The following DNAH12 variants were observed in gnomAD, a reference collection of about 807,000 sequenced individuals.
DNAH12 encodes the protein dynein axonemal heavy chain 12, also known as axonemal beta dynein heavy chain 12.
DNAH12 carries 285 observed loss-of-function variants against 371.5 expected under a neutral mutation model. The ratio of observed to expected loss-of-function variants is 0.77; its 90% confidence interval spans 0.70 to 0.85. DNAH12 has a LOEUF of 0.85. DNAH12 is among the 40% of genes least tolerant of loss of function. The probability of loss-of-function intolerance (pLI) is 0.00; values close to 1 mark genes in which losing one functional copy is unlikely to be tolerated. For missense variants in DNAH12, 3,611 were observed against 3,689.4 expected (o/e 0.98, Z 0.55); for synonymous variants, 1,200 against 1,213.0 (o/e 0.99, Z 0.22).
intron 62 of DNAH12, among the ~76,000 whole-genome samples, chr3:57,329,801 G>A (rs960889362): frequency 4.2e-5 from 6 of 141,624 alleles, no homozygotes; most frequent in Middle Eastern, 3.5e-3. Flanking sequence ...GAAAATTTTC[G>A]CAACCTACTT....
intron 8 of DNAH12, among the ~76,000 whole-genome samples, chr3:57,507,137 T>C (rs2067793564): frequency 6.6e-6 from 1 of 152,102 alleles, no homozygotes; most frequent in South Asian, 2.1e-4. Flanking sequence ...TAGAATTGTA[T>C]ATCTTCAACA....
At chr3:57,509,861 T>TAAAAAAAAAAAAAA (rs902155403) in intron 5 of DNAH12, among the ~76,000 whole-genome samples, 8 of 46,560 alleles carry the variant, frequency 1.7e-4, no homozygotes, top group Non-Finnish European at 3.6e-4. Flanking sequence ...GACTCCATCA[T>TAAAAAAAAAAAAAA]AAAAAAAAAA....
At chr3:57,398,482 C>T (rs2063790305) in intron 43 of DNAH12, among the ~76,000 whole-genome samples, 2 of 152,000 alleles carry the variant, frequency 1.3e-5, no homozygotes, top group African/African-American at 4.8e-5. Context: ...CATAGAAATC[C>T]ACATTAAGAA....
chr3:57,359,782 G>C lies in DNAH12; in HGVS notation c.9361-2434C>G, dbSNP rs924507018. On this transcript the variant is annotated intron_variant, in intron 58 of 73. Coordinates refer to ENST00000495027, the MANE Select transcript of DNAH12 (RefSeq NM_001366028.2). ...CTCTAGAATAAACTTGTAAAGTTTT[G>C]TTTGTTTGTTTAATCTTGTGGGTTC... 2.0e-5 allele frequency among the ~76,000 whole-genome samples: 3 copies of C among 151,896 alleles called. No homozygotes were observed. The East Asian group carries it at 5.8e-4, about 29-fold the overall frequency.
At chr3:57,390,424 A>AAAATATATATATATATATATATAT in intron 45 of DNAH12, among the ~76,000 whole-genome samples, 1 of 33,438 alleles carries the variant, frequency 3.0e-5, no homozygotes, top group Non-Finnish European at 7.0e-5. Flanking sequence ...AAAAAAAAAA[A>AAAATATATATATATATATATATAT]ATATATATAT....
chr3:57,399,928 G>A (rs1246365375), intron 43 of DNAH12, among the ~76,000 whole-genome samples: 3 of 152,138 alleles, frequency 2.0e-5, no homozygotes, highest in Non-Finnish European at 4.4e-5. Context: ...TTAATCAAAT[G>A]TTTATGTTAC....
At chr3:57,426,596 G>A (rs377385748) in intron 34 of DNAH12, among the ~76,000 whole-genome samples, 16 of 152,070 alleles carry the variant, frequency 1.1e-4, no homozygotes, top group South Asian at 8.3e-4. Context: ...TTGGGAGGCC[G>A]AGGTGGGCAG....
At chr3:57,438,905 ACT>A (rs1346546515) in intron 29 of DNAH12, among the ~76,000 whole-genome samples, 7 of 141,352 alleles carry the variant, frequency 5.0e-5, no homozygotes, top group South Asian at 2.2e-4. Context: ...ACAGAGTGAA[ACT>A]CTGTCTCAGA....
intron 20 of DNAH12, 121 bp downstream of exon 20, chr3:57,459,471 C>T (rs1186337747): frequency 1.0e-6 from 1 of 974,814 alleles, no homozygotes; most frequent in Non-Finnish European, 1.4e-6. Context: ...TTTTTCTGAA[C>T]TTTCCAGTTT....
chr3:57,351,544 A>C (rs1402016810), intron 60 of DNAH12, among the ~76,000 whole-genome samples: 1 of 152,222 alleles, frequency 6.6e-6, no homozygotes, highest in Non-Finnish European at 1.5e-5. Flanking sequence ...AGGTAACGTC[A>C]ATGTATTCTT....
chr3:57,471,670 C>T, intron 14 of DNAH12, 64 bp from the exon 15 acceptor site: 1 of 1,356,114 alleles, frequency 7.4e-7, no homozygotes. Flanking sequence ...AGTCAGAAAT[C>T]CAAATACTGT....
intron 69 of DNAH12, among the ~76,000 whole-genome samples, chr3:57,308,117 G>A (rs1182310447): frequency 2.0e-5 from 3 of 152,142 alleles, no homozygotes; most frequent in Admixed American, 1.3e-4. Context: ...TACTTGACAT[G>A]CCCTGAGTCA....
intron 16 of DNAH12, 104 bp downstream of exon 16, chr3:57,470,339 T>C (rs899901280): frequency 4.1e-5 from 48 of 1,181,874 alleles, no homozygotes; most frequent in Middle Eastern, 3.0e-4. Flanking sequence ...CAAATGGACA[T>C]ATAAATCCTA....
rs1047298050 is a variant in DNAH12 at position 57,470,488 on chromosome 3, T to C, written c.2060A>G (p.Gln687Arg). ...CTTCAAAACAAAATTAAAAAACTTC[T>C]GATAGGGCTCAATGTTAACTTTTAA... Reference protein sequence around the residue: ...DKLKVNIEPYQKFFNFVLKWQ... With the variant: ...DKLKVNIEPYRKFFNFVLKWQ... Residue 687 changes from glutamine (Q) to arginine (R), a missense_variant, in exon 16 of 74, where the codon CAG (glutamine) becomes CGG (arginine). Coordinates refer to ENST00000495027, the MANE Select transcript of DNAH12 (RefSeq NM_001366028.2). 7 of 1,541,508 alleles carry C rather than the reference T, an allele frequency of 4.5e-6. No individual in the cohort carries two copies. Among genetic ancestry groups the C allele is most frequent in the Non-Finnish European group, 4.4e-6 (5 of 1,144,432 alleles).
At chr3:57,396,756 G>T (rs971566648) in intron 43 of DNAH12, among the ~76,000 whole-genome samples, 3 of 152,210 alleles carry the variant, frequency 2.0e-5, no homozygotes, top group African/African-American at 7.2e-5. Flanking sequence ...ATTTTTAGGA[G>T]AGACAGAGTT....
intron 43 of DNAH12, 23 bp downstream of exon 43, chr3:57,403,286 A>G (rs2063926441): frequency 1.3e-6 from 2 of 1,529,990 alleles, no homozygotes; most frequent in African/African-American, 1.4e-5. Context: ...CATTTTAGAT[A>G]CTAGGCTTCT....
At chr3:57,329,116 T>A (rs1039951590) in intron 62 of DNAH12, among the ~76,000 whole-genome samples, 1 of 148,446 alleles carries the variant, frequency 6.7e-6, no homozygotes. Flanking sequence ...GAATCAATAT[T>A]GTGAAAATGG....
intron 60 of DNAH12, among the ~76,000 whole-genome samples, chr3:57,336,338 A>G (rs1158077241): frequency 6.6e-6 from 1 of 152,248 alleles, no homozygotes; most frequent in Non-Finnish European, 1.5e-5. Flanking sequence ...AGCCAGTAAG[A>G]ATGTTAAAGT....
intron 70 of DNAH12, 131 bp from the exon 71 acceptor site, chr3:57,297,115 G>A (rs891556069): frequency 1.0e-5 from 10 of 974,380 alleles, no homozygotes; most frequent in South Asian, 1.7e-5. Flanking sequence ...CTTCCCTGAC[G>A]TCAAACACAC....
Sources: allele counts gnomAD v4.1 joint callset (sites outside exome capture counted in the v4.1 genomes callset), GRCh38; gene constraint gnomAD v4.1.1; transcripts MANE v1.5; gene names NCBI Gene and HGNC (gene_info 2026-07-23, HGNC 2026-07-21).